The following TUSC3 variants were observed in gnomAD, a reference collection of about 807,000 sequenced individuals.
TUSC3 encodes tumor suppressor candidate 3, also known as dolichyl-diphosphooligosaccharide--protein glycosyltransferase subunit TUSC3.
In TUSC3, 45 loss-of-function variants were observed where a neutral mutation model predicts 44.8. The ratio of observed to expected loss-of-function variants is 1.00; its 90% CI spans 0.79 to 1.29. The LOEUF is 1.29. Among genes scored for constraint, TUSC3 ranks in the 50% most tolerant of loss-of-function variants. The pLI, the probability that TUSC3 is intolerant of heterozygous loss-of-function variation, is 0.00. For synonymous variants in TUSC3, 212 were observed against 152.9 expected (o/e 1.39, Z -2.85); for missense variants, 519 against 437.9 (o/e 1.19, Z -1.65).
At chr8:15,512,505 G>T (rs1003940623) in intron 2 of TUSC3, among the ~76,000 whole-genome samples, 1 of 152,236 alleles carries the variant, frequency 6.6e-6, no homozygotes, top group South Asian at 2.1e-4. Flanking sequence ...GGGCACGGTG[G>T]CTCACACCTG....
At chr8:15,609,100 CA>C (rs1433234846) in intron 1 of TUSC3, among the ~76,000 whole-genome samples, 1 of 152,166 alleles carries the variant, frequency 6.6e-6, no homozygotes, top group Non-Finnish European at 1.5e-5. Flanking sequence ...GTAAGCGTTA[CA>C]TATTTTAGTG....
At chr8:15,463,668 G>C (rs773902395) in intron 1 of TUSC3, among the ~76,000 whole-genome samples, 44 of 152,074 alleles carry the variant, frequency 2.9e-4, no homozygotes, top group Admixed American at 2.6e-4. Flanking sequence ...AGTGCTGCAA[G>C]GCACCATTAA....
intron 1 of TUSC3, among the ~76,000 whole-genome samples, chr8:15,613,883 C>G (rs1804870945): frequency 6.6e-6 from 1 of 152,172 alleles, no homozygotes; most frequent in South Asian, 2.1e-4. Flanking sequence ...CTTCAGAAGA[C>G]CAAAAGGGAC....
rs1346981943 is a variant in TUSC3, at chr8:15,623,077, C to T, written c.139-3C>T. ...AAATGTTAATTTCTGTGTTTAATTGCAGAATCTTTTAGCTGAAAAAGTAGA... is the reference window on the plus strand; with the variant it reads ...AAATGTTAATTTCTGTGTTTAATTGTAGAATCTTTTAGCTGAAAAAGTAGA... On this transcript the variant is annotated splice_polypyrimidine_tract_variant and splice_region_variant and intron_variant, in intron 1 of 10. Coordinates refer to ENST00000503731, the MANE Select transcript of TUSC3 (RefSeq NM_006765.4). 6.2e-7 allele frequency: 1 copy of T among 1,613,164 alleles called. No homozygotes were observed. The highest frequency in any genetic ancestry group is 2.2e-5 in the East Asian group (1 of 44,840).
At chr8:15,748,547 G>A (rs778037352) in intron 9 of TUSC3, 82 bp downstream of exon 9, 1 of 1,271,830 alleles carries the variant, frequency 7.9e-7, no homozygotes. Flanking sequence ...AATTAAGGAT[G>A]AATGTAAAGT....
the TUSC3 span, among the ~76,000 whole-genome samples, chr8:15,843,070 G>T: frequency 1.3e-5 from 2 of 152,158 alleles, no homozygotes; most frequent in African/African-American, 4.8e-5. Flanking sequence ...AGGAGCGAGG[G>T]CTTTGAGGAA....
the TUSC3 span, among the ~76,000 whole-genome samples, chr8:15,846,377 C>A: frequency 6.6e-6 from 1 of 152,086 alleles, no homozygotes; most frequent in South Asian, 2.1e-4. Flanking sequence ...TGAATATATA[C>A]CCAAAGGATT....
At chr8:15,662,759 T>TAA (rs1489576736) in intron 5 of TUSC3, among the ~76,000 whole-genome samples, 15 of 152,060 alleles carry the variant, frequency 9.9e-5, no homozygotes, top group African/African-American at 3.6e-4. Context: ...ATTGTGGGGA[T>TAA]ACAGAGTAAT....
chr8:15,612,246 G>T (rs1487948556), intron 1 of TUSC3, among the ~76,000 whole-genome samples: 1 of 152,194 alleles, frequency 6.6e-6, no homozygotes, highest in African/African-American at 2.4e-5. Flanking sequence ...GTGAATAGCT[G>T]CCCCCCTGGC....
chr8:15,539,147 C>A (rs1457780712), upstream of TUSC3, among the ~76,000 whole-genome samples: 1 of 151,804 alleles, frequency 6.6e-6, no homozygotes, highest in Non-Finnish European at 1.5e-5. Context: ...CCGTGCCTGG[C>A]TAATACTATG....
chr8:15,417,254 G>GT (rs1363538464), exon 1 of TUSC3: 2 of 152,450 alleles, frequency 1.3e-5, no homozygotes, highest in Non-Finnish European at 2.9e-5. Flanking sequence ...ATGCATGATC[G>GT]TAAGTTTCCT....
chr8:15,649,656 C>G (rs1237328680), intron 2 of TUSC3, among the ~76,000 whole-genome samples: 2 of 151,578 alleles, frequency 1.3e-5, no homozygotes, highest in Admixed American at 1.3e-4. Context: ...AATCTCCAGC[C>G]TCTGCTGCTT....
At chr8:15,692,371 C>CCTCT (rs1563175839) in intron 6 of TUSC3, among the ~76,000 whole-genome samples, 2 of 18,820 alleles carry the variant, frequency 1.1e-4, no homozygotes, top group Non-Finnish European at 2.1e-4. Flanking sequence ...CCCCCCCCCC[C>CCTCT]TTTGTTTTTT....
At chr8:15,734,920 G>A (rs938644896) in intron 7 of TUSC3, among the ~76,000 whole-genome samples, 1 of 152,186 alleles carries the variant, frequency 6.6e-6, no homozygotes, top group African/African-American at 2.4e-5. Flanking sequence ...GCTGGATAAT[G>A]AAGACCTTGC....
Position 15,659,542 on chromosome 8 carries a change from T to C in TUSC3, c.462T>C (p.Phe154=), listed in dbSNP as rs1048896. 1.2e-6 allele frequency: 2 copies of C among 1,613,306 alleles called. No homozygotes were observed. Among genetic ancestry groups the C allele is most frequent in the Non-Finnish European group, 1.7e-6 (2 of 1,179,680 alleles). Residue 154 remains phenylalanine (F), a synonymous_variant, in exon 4 of 11, where the codon TTT becomes TTC. Coordinates refer to ENST00000503731, the MANE Select transcript of TUSC3 (RefSeq NM_006765.4). ...ACTCTGCTCCTACATTCATGCATTTTCCTCCAAAAGGCAGACCTAAGAGAG... is the reference window on the plus strand; with the variant it reads ...ACTCTGCTCCTACATTCATGCATTTCCCTCCAAAAGGCAGACCTAAGAGAG... ...NMNSAPTFMH[F]PPKGRPKRAD...
chr8:15,614,487 C>A (rs775486629), intron 1 of TUSC3, among the ~76,000 whole-genome samples: 1 of 152,142 alleles, frequency 6.6e-6, no homozygotes, highest in Non-Finnish European at 1.5e-5. Context: ...TGCTTATCTA[C>A]TTCTTGTCTT....
chr8:15,701,851 T>C (rs1286682637), intron 6 of TUSC3, among the ~76,000 whole-genome samples: 3 of 152,162 alleles, frequency 2.0e-5, no homozygotes, highest in East Asian at 1.9e-4. Context: ...GTATGGACTG[T>C]TGTCTCTGAT....
At chr8:15,716,269 C>A (rs1810055745) in intron 6 of TUSC3, among the ~76,000 whole-genome samples, 1 of 151,816 alleles carries the variant, frequency 6.6e-6, no homozygotes, top group South Asian at 2.1e-4. Flanking sequence ...AAGAAAAAAA[C>A]AAAAATTCTA....
At chr8:15,598,927 C>T (rs899837544) in intron 1 of TUSC3, among the ~76,000 whole-genome samples, 2 of 151,638 alleles carry the variant, frequency 1.3e-5, no homozygotes, top group African/African-American at 4.8e-5. Context: ...TTGTGTGGAC[C>T]TAAGTGTTCA....
Sources: gnomAD v4.1 joint callset for allele counts (sites outside exome capture counted in the v4.1 genomes callset) on GRCh38, gnomAD v4.1.1 for gene constraint, MANE v1.5 for transcripts, NCBI Gene and HGNC (gene_info 2026-07-23, HGNC 2026-07-21) for gene names.